The following CHIC1 variants were observed in gnomAD, a reference collection of about 807,000 sequenced individuals.
CHIC1 encodes cysteine rich hydrophobic domain 1, also known as cysteine-rich hydrophobic domain-containing protein 1.
In CHIC1, 7 loss-of-function variants were observed where a neutral mutation model predicts 18.5. The observed-to-expected ratio is 0.38, with a 90% CI of 0.22 to 0.71. The LOEUF is 0.71. Among genes scored for constraint, CHIC1 ranks in the 30% least tolerant of loss-of-function variants. The pLI is 0.49. For synonymous variants in CHIC1, 77 were observed against 73.5 expected, an observed-to-expected ratio of 1.05 and a Z score of -0.25; for missense variants, 159 against 176.9, an observed-to-expected ratio of 0.90 and a Z score of 0.57.
intron 3 of CHIC1, among the ~76,000 whole-genome samples, chrX:73,662,139 TGCTCTATATG>T (rs1370975773): frequency 9.0e-6 from 1 of 110,700 alleles, no homozygotes; most frequent in Non-Finnish European, 1.9e-5. Context: ...AGGAAGGGCA[TGCTCTATATG>T]GCCTGGTAAT....
At chrX:73,628,829 G>A (rs904475662) in intron 3 of CHIC1, among the ~76,000 whole-genome samples, 7 of 111,005 alleles carry the variant, frequency 6.3e-5, no homozygotes, top group Non-Finnish European at 1.1e-4. Context: ...ATCCTTGTGG[G>A]GGTGAGGACG....
At chrX:73,677,767 C>G (rs909033750) in intron 3 of CHIC1, among the ~76,000 whole-genome samples, 1 of 112,170 alleles carries the variant, frequency 8.9e-6, no homozygotes, top group Non-Finnish European at 1.9e-5. Flanking sequence ...TTCTGGCCCT[C>G]CCCAGTGAGA....
rs753375725 is a variant in CHIC1, at chrX:73,683,703, G to C, written c.*2698G>C. Reference sequence around the variant, plus strand: ...TGCCAAAGTATATAAATCTCACAAGGCTTTAAGATTACAAGCTAAAATTGT... The same window carrying C: ...TGCCAAAGTATATAAATCTCACAAGCCTTTAAGATTACAAGCTAAAATTGT... On this transcript the variant is annotated 3_prime_UTR_variant, in exon 6 of 6. Transcript: ENST00000373502. The C allele has an allele frequency of 1.8e-5, 2 of 111,543 alleles. No individual in the cohort carries two copies. Among genetic ancestry groups the C allele is most frequent in the East Asian group, 5.6e-4 (2 of 3,566 alleles). The allele number at this position is 111,543 out of a possible 1,213,427, so 9.2% of individuals were successfully genotyped here.
chrX:73,634,981 CTTAG>C (rs760855805), intron 3 of CHIC1, among the ~76,000 whole-genome samples: 18 of 110,810 alleles, frequency 1.6e-4, no homozygotes, highest in African/African-American at 4.9e-4. Context: ...GTGCTGAAAC[CTTAG>C]TTAGACTCTG....
At chrX:73,680,729 G>A (rs2058094783) in intron 5 of CHIC1, among the ~76,000 whole-genome samples, 1 of 110,895 alleles carries the variant, frequency 9.0e-6, no homozygotes, top group African/African-American at 3.3e-5. Flanking sequence ...AAATCTGTTA[G>A]CTACAATAAG....
chrX:73,643,333 A>T (rs2057868841), intron 3 of CHIC1, among the ~76,000 whole-genome samples: 1 of 107,634 alleles, frequency 9.3e-6, no homozygotes, highest in Non-Finnish European at 1.9e-5. Flanking sequence ...GGTGAATCTG[A>T]CAATTACGTG....
At chrX:73,591,843 A>C in intron 3 of CHIC1, among the ~76,000 whole-genome samples, 1 of 111,625 alleles carries the variant, frequency 9.0e-6, no homozygotes. Flanking sequence ...TGCCTTGTCT[A>C]TTCTGTTCCA....
At chrX:73,626,350 T>C (rs1603345041) in intron 3 of CHIC1, among the ~76,000 whole-genome samples, 1 of 111,412 alleles carries the variant, frequency 9.0e-6, no homozygotes, top group African/African-American at 3.3e-5. Flanking sequence ...TCTCCAAGTT[T>C]GGGGACTTTT....
chrX:73,621,657 T>G (rs1302873512), intron 3 of CHIC1, among the ~76,000 whole-genome samples: 1 of 112,149 alleles, frequency 8.9e-6, no homozygotes, highest in Non-Finnish European at 1.9e-5. Context: ...GCAATTTGAC[T>G]TCCTCTCTTC....
chrX:73,677,146 G>T (rs982211329), intron 3 of CHIC1, among the ~76,000 whole-genome samples: 1 of 111,852 alleles, frequency 8.9e-6, no homozygotes, highest in African/African-American at 3.3e-5. Context: ...GCCCCTACTG[G>T]GGTGTGCCTC....
rs750904494 is a variant in CHIC1, at chrX:73,640,040, C to T, written c.508-39286C>T. Among the ~76,000 whole-genome samples the T allele has an allele frequency of 2.7e-5, 3 of 111,321 alleles. No homozygotes were observed. In the South Asian group the frequency reaches 1.1e-3, roughly 42 times the overall value. On this transcript the variant is annotated intron_variant, in intron 3 of 5. Coordinates refer to ENST00000373502, the MANE Select transcript of CHIC1 (RefSeq NM_001039840.4). ...TTATTTCCTTTTCTTACCTGATTGT[C>T]CTTGCCAGGATTTCCAATACAATAT...
chrX:73,610,789 C>A (rs2057704641), intron 3 of CHIC1, among the ~76,000 whole-genome samples: 1 of 108,004 alleles, frequency 9.3e-6, no homozygotes, highest in Admixed American at 9.7e-5. Flanking sequence ...TTTTCTGTTT[C>A]TTGTTGATTT....
In CHIC1 at chrX:73,638,528, T is replaced by TA. The variant is rs1237238676; in HGVS notation, c.508-40788dup. ...CCCCATTTTGAAGATGTCTTTTCTT[T>TA]AAAAAAAAAATATTTTAGGTTCAGG... On this transcript the variant is annotated intron_variant, in intron 3 of 5. Transcript: ENST00000373502. 7.6e-4 allele frequency among the ~76,000 whole-genome samples: 83 copies of TA among 108,865 alleles called. 1 individual carries two copies. In the Middle Eastern group the frequency reaches 0.019, roughly 25 times the overall value. 94.5% of individuals were successfully genotyped at this position (108,865 alleles called of 115,157 possible).
intron 3 of CHIC1, among the ~76,000 whole-genome samples, chrX:73,645,804 G>T (rs1461835299): frequency 9.0e-6 from 1 of 111,327 alleles, no homozygotes; most frequent in Admixed American, 9.5e-5. Flanking sequence ...TATTAGCCTT[G>T]TCAGATGTAT....
intron 3 of CHIC1, among the ~76,000 whole-genome samples, chrX:73,634,353 C>G (rs1163585266): frequency 8.8e-6 from 1 of 113,005 alleles, no homozygotes; most frequent in Admixed American, 9.3e-5. Flanking sequence ...CCTCCTGTTT[C>G]TTTTCCCTAT....
intron 3 of CHIC1, among the ~76,000 whole-genome samples, chrX:73,629,253 A>G (rs935880020): frequency 4.5e-5 from 5 of 110,707 alleles, no homozygotes; most frequent in African/African-American, 1.3e-4. Context: ...CTCACATTCC[A>G]TAGATTGCCT....
chrX:73,641,723 G>C (rs2057857535), intron 3 of CHIC1, among the ~76,000 whole-genome samples: 1 of 107,332 alleles, frequency 9.3e-6, no homozygotes, highest in African/African-American at 3.5e-5. Context: ...CTGTGTCCAT[G>C]TGTTCTCATT....
intron 3 of CHIC1, among the ~76,000 whole-genome samples, chrX:73,594,747 A>G (rs889142893): frequency 2.7e-5 from 3 of 111,619 alleles, no homozygotes; most frequent in Non-Finnish European, 5.6e-5. Flanking sequence ...CCATTAAGTA[A>G]TAACTTCTCA....
intron 3 of CHIC1, among the ~76,000 whole-genome samples, chrX:73,613,005 T>A (rs1269689093): frequency 8.9e-6 from 1 of 111,888 alleles, no homozygotes; most frequent in Non-Finnish European, 1.9e-5. Flanking sequence ...GCTTGTTAGG[T>A]GCATATATGT....
Sources: allele counts gnomAD v4.1 joint callset (sites outside exome capture counted in the v4.1 genomes callset), GRCh38; gene constraint gnomAD v4.1.1; transcripts MANE v1.5; gene names NCBI Gene and HGNC (gene_info 2026-07-23, HGNC 2026-07-21).